KIF16B: variants seen among roughly 807,000 people sequenced by gnomAD.
The protein encoded by KIF16B is kinesin-like protein KIF16B.
A neutral mutation model predicts 156.3 loss-of-function variants in KIF16B; 98 were observed. The ratio of observed to expected loss-of-function variants is 0.63; its 90% CI spans 0.53 to 0.74. The LOEUF is 0.74. Ranked by LOEUF, KIF16B falls within the 30% of genes least tolerant of loss-of-function variation. The pLI is 0.00. For synonymous variants in KIF16B, 564 were observed against 583.7 expected, an observed-to-expected ratio of 0.97 and a Z score of 0.49; for missense variants, 1,421 against 1,606.5, an observed-to-expected ratio of 0.88 and a Z score of 1.97.
intron 23 of KIF16B, among the ~76,000 whole-genome samples, chr20:16,354,965 C>T (rs904689489): frequency 6.6e-6 from 1 of 151,618 alleles, no homozygotes; most frequent in Admixed American, 6.6e-5. Flanking sequence ...AGAGTAACAG[C>T]AACAACACAC....
At chr20:16,552,292 G>C (rs1210656245) in intron 1 of KIF16B, among the ~76,000 whole-genome samples, 5 of 152,176 alleles carry the variant, frequency 3.3e-5, no homozygotes, top group African/African-American at 4.8e-5. Flanking sequence ...ATTGAGAACA[G>C]CTACATGTGC....
chr20:16,342,708 G>A (rs2064161105), intron 23 of KIF16B, among the ~76,000 whole-genome samples: 2 of 152,186 alleles, frequency 1.3e-5, no homozygotes, highest in Non-Finnish European at 2.9e-5. Context: ...GGCTAAATAT[G>A]GGGATGAGCA....
intron 19 of KIF16B, 78 bp downstream of exon 19, chr20:16,378,727 T>G: frequency 1.5e-6 from 2 of 1,327,504 alleles, no homozygotes; most frequent in South Asian, 3.1e-5. Context: ...AAAAAAAGGA[T>G]AAACACAACA....
chr20:16,307,340 A>C (rs2063555538), intron 25 of KIF16B, among the ~76,000 whole-genome samples: 1 of 152,246 alleles, frequency 6.6e-6, no homozygotes, highest in South Asian at 2.1e-4. Flanking sequence ...AACAAAAATA[A>C]AACAGAAAAC....
chr20:16,355,689 C>CA (rs1600197040), intron 23 of KIF16B, among the ~76,000 whole-genome samples: 2 of 152,150 alleles, frequency 1.3e-5, no homozygotes, highest in East Asian at 3.9e-4. Flanking sequence ...AGCAAATTAG[C>CA]AAAAAGATGA....
intron 1 of KIF16B, among the ~76,000 whole-genome samples, chr20:16,534,053 T>A (rs768565816): frequency 6.6e-6 from 1 of 151,002 alleles, no homozygotes; most frequent in Non-Finnish European, 1.5e-5. Context: ...AGGTCAGGAG[T>A]TCAAGACCAA....
chr20:16,388,398 G>T (rs75753315), intron 17 of KIF16B, among the ~76,000 whole-genome samples: 15,934 of 152,220 alleles, frequency 0.1, 1,015 homozygotes, highest in Non-Finnish European at 0.15. Flanking sequence ...ATCAAGGAGA[G>T]AACATCAAGA....
At chr20:16,363,055 G>A (rs2064581443) in intron 22 of KIF16B, among the ~76,000 whole-genome samples, 1 of 152,178 alleles carries the variant, frequency 6.6e-6, no homozygotes, top group Non-Finnish European at 1.5e-5. Flanking sequence ...TACTGTTTAA[G>A]AAACAGTGGA....
At chr20:16,477,375 A>G (rs2067850385) in intron 12 of KIF16B, among the ~76,000 whole-genome samples, 1 of 152,172 alleles carries the variant, frequency 6.6e-6, no homozygotes, top group South Asian at 2.1e-4. Flanking sequence ...TGAGGAGAAC[A>G]GTGTTAAGAC....
chr20:16,444,138 A>G (rs1295653019), intron 12 of KIF16B, among the ~76,000 whole-genome samples: 1 of 152,246 alleles, frequency 6.6e-6, no homozygotes, highest in Non-Finnish European at 1.5e-5. Context: ...AAAATCTCAC[A>G]TCTTTCATTA....
intron 25 of KIF16B, among the ~76,000 whole-genome samples, chr20:16,297,692 T>A (rs1454947901): frequency 8.3e-6 from 1 of 120,798 alleles, no homozygotes; most frequent in African/African-American, 3.5e-5. Context: ...TGAGACTCCA[T>A]CTCAGAAAAA....
At chr20:16,532,656 A>G (rs1188412205) in intron 1 of KIF16B, among the ~76,000 whole-genome samples, 3 of 152,198 alleles carry the variant, frequency 2.0e-5, no homozygotes, top group Non-Finnish European at 4.4e-5. Context: ...TCCCATTCCC[A>G]CAGTGGGTCC....
At chr20:16,561,758 A>G (rs921326334) in intron 1 of KIF16B, among the ~76,000 whole-genome samples, 1 of 152,250 alleles carries the variant, frequency 6.6e-6, no homozygotes, top group Non-Finnish European at 1.5e-5. Context: ...TTGTGGTATT[A>G]TTGTCAAAAA....
chr20:16,563,072 TA>T (rs1328111035), intron 1 of KIF16B, among the ~76,000 whole-genome samples: 3 of 152,232 alleles, frequency 2.0e-5, no homozygotes, highest in Non-Finnish European at 4.4e-5. Context: ...GAAATGTACT[TA>T]AAGTGTCTAT....
intron 23 of KIF16B, among the ~76,000 whole-genome samples, chr20:16,336,839 AAACATTTCTTAG>A (rs1209472200): frequency 6.6e-6 from 1 of 152,148 alleles, no homozygotes; most frequent in African/African-American, 2.4e-5. Flanking sequence ...TTTGCCTTCT[AAACATTTCTTAG>A]AACTTTATCC....
At chr20:16,396,632 A>T (rs2065509218) in intron 17 of KIF16B, among the ~76,000 whole-genome samples, 1 of 149,012 alleles carries the variant, frequency 6.7e-6, no homozygotes, top group African/African-American at 2.5e-5. Context: ...GTATGGTAAC[A>T]TGTTAACTGT....
Position 16,378,947 on chromosome 20 carries a change from G to A in KIF16B, c.3055C>T (p.Leu1019=). Residue 1019 remains leucine (L), a synonymous_variant, in exon 19 of 26, where the codon CTG becomes TTG. Transcript: ENST00000354981. The part of the protein sequence containing the change: ...LARLERRHSA[L]QRHSTLGMEI... ...ATGCCCAGGGTGGAGTGCCTCTGCA[G>A]CGCAGAATGTCTCCTCTCCAGCCTG... 6.2e-7 allele frequency: 1 copy of A among 1,614,144 alleles called. No individual in the cohort carries two copies. The highest frequency in any genetic ancestry group is 8.5e-7 in the Non-Finnish European group (1 of 1,179,986).
At chr20:16,355,719 A>G (rs751772663) in intron 23 of KIF16B, among the ~76,000 whole-genome samples, 2 of 152,254 alleles carry the variant, frequency 1.3e-5, no homozygotes, top group South Asian at 2.1e-4. Context: ...TTAGAAAACC[A>G]TGACGTAAGG....
chr20:16,519,342 G>T (rs1403161103), intron 3 of KIF16B, among the ~76,000 whole-genome samples: 1 of 152,096 alleles, frequency 6.6e-6, no homozygotes, highest in Non-Finnish European at 1.5e-5. Context: ...GACTTGTCCT[G>T]GCCTCAAGTA....
Sources: gnomAD v4.1 joint callset for allele counts (sites outside exome capture counted in the v4.1 genomes callset) on GRCh38, gnomAD v4.1.1 for gene constraint, MANE v1.5 for transcripts, NCBI Gene and HGNC (gene_info 2026-07-23, HGNC 2026-07-21) for gene names.